The following PRSS23 variants were observed in gnomAD, a reference collection of about 807,000 sequenced individuals.
PRSS23 encodes the protein serine protease 23, also known as protease, serine 23.
In PRSS23, 25 loss-of-function variants were observed where a neutral mutation model predicts 34.7. The ratio of observed to expected loss-of-function variants is 0.72; its 90% confidence interval spans 0.53 to 1.01. The LOEUF (loss-of-function observed/expected upper bound fraction) is 1.01. Ranked by LOEUF, PRSS23 falls within the 50% of genes least tolerant of loss-of-function variation. The probability of loss-of-function intolerance (pLI) is 0.00; values close to 1 mark genes in which losing one functional copy is unlikely to be tolerated. For missense variants in PRSS23, 445 were observed against 475.6 expected, an observed-to-expected ratio of 0.94 and a Z score of 0.60; for synonymous variants, 176 against 186.6, an observed-to-expected ratio of 0.94 and a Z score of 0.46.
chr11:86,807,769 CCA>C lies in PRSS23; in HGVS notation c.127_128del (p.Gln43ValfsTer28), dbSNP rs1452305671. 6 of 1,614,128 alleles carry C rather than the reference CCA, an allele frequency of 3.7e-6. No homozygotes were observed. The highest frequency in any genetic ancestry group is 1.3e-5 in the African/African-American group (1 of 75,026). On this transcript the variant is annotated frameshift_variant, in exon 2 of 2. Coordinates refer to ENST00000280258, the MANE Select transcript of PRSS23 (RefSeq NM_007173.6). LOFTEE classifies it high-confidence loss of function. ...CATACCGCCTCCCTGTCGTCTTGCC[CCA>C]GTCTACCCTCAATTTAGCCAAGCCA... ...PAYRLPVVLP[Q>X]STLNLAKPDF...
At chr11:86,945,761 C>T (rs15135) in intron 2 of PRSS23, 1 of 152,594 alleles carries the variant, frequency 6.6e-6, no homozygotes, top group African/African-American at 2.4e-5. Flanking sequence ...TAGAAATTTA[C>T]AGTACAGACA....
upstream of PRSS23, chr11:86,800,423 T>A (rs1365300786): frequency 4.1e-6 from 4 of 980,066 alleles, no homozygotes; most frequent in African/African-American, 1.8e-5. Flanking sequence ...GCACGGTTTA[T>A]GTGCAGTGGG....
rs1390888574 is a variant in PRSS23 at position 86,810,911 on chromosome 11, AAAAG to A, written c.*2120_*2123del. 1.2e-5 allele frequency: 2 copies of A among 167,084 alleles called. No individual in the cohort carries two copies. The highest frequency in any genetic ancestry group is 4.8e-5 in the African/African-American group (2 of 41,464). The allele number at this position is 167,084 out of a possible 1,614,324, so 10.4% of individuals were successfully genotyped here. On this transcript the variant is annotated 3_prime_UTR_variant, in exon 2 of 2. Transcript: ENST00000280258. ...TTAAACTATCATAGAAGTAGACAGAAAAAGAAAAAAGGACTCATGGCATTATTAA... is the reference window on the plus strand; with the variant it reads ...TTAAACTATCATAGAAGTAGACAGAAAAAAAAGGACTCATGGCATTATTAA...
chr11:86,845,688 T>G (rs953943140), intron 2 of PRSS23, among the ~76,000 whole-genome samples: 14 of 152,134 alleles, frequency 9.2e-5, no homozygotes, highest in African/African-American at 3.1e-4. Context: ...ACACCAGAAT[T>G]TGTGCATTGT....
chr11:86,853,378 G>A (rs1338393644), intron 2 of PRSS23, among the ~76,000 whole-genome samples: 1 of 148,704 alleles, frequency 6.7e-6, no homozygotes, highest in Non-Finnish European at 1.5e-5. Flanking sequence ...CTCAGCCTCC[G>A]GAGTAGCTGT....
chr11:86,843,970 T>C (rs1263163373), intron 2 of PRSS23, among the ~76,000 whole-genome samples: 1 of 152,214 alleles, frequency 6.6e-6, no homozygotes, highest in East Asian at 1.9e-4. Context: ...CCCACGAATG[T>C]TTATTGTGGC....
intron 2 of PRSS23, among the ~76,000 whole-genome samples, chr11:86,850,759 G>C (rs1042221939): frequency 3.3e-5 from 5 of 152,124 alleles, no homozygotes; most frequent in African/African-American, 1.2e-4. Flanking sequence ...GTAACGTCCT[G>C]TAAGATCCTG....
At chr11:86,796,401 G>C (rs1052445215), upstream of PRSS23, among the ~76,000 whole-genome samples, 31 of 152,046 alleles carry the variant, frequency 2.0e-4, no homozygotes, top group Non-Finnish European at 1.8e-4. Flanking sequence ...CAGCACTTTG[G>C]GAGGCCGAGG....
At chr11:86,793,273 G>A (rs1317085749) in intron 1 of PRSS23, among the ~76,000 whole-genome samples, 3 of 152,018 alleles carry the variant, frequency 2.0e-5, no homozygotes, top group Admixed American at 6.5e-5. Context: ...TTTTTTACAG[G>A]CAATTTATTG....
chr11:86,846,066 T>G (rs1948483843), intron 2 of PRSS23, among the ~76,000 whole-genome samples: 1 of 152,216 alleles, frequency 6.6e-6, no homozygotes, highest in Non-Finnish European at 1.5e-5. Flanking sequence ...AAGGCAATTG[T>G]ATAATCTCAC....
rs138970232 is a variant in PRSS23 at position 86,893,876 on chromosome 11, A to G, written c.207-57340A>G. On this transcript the variant is annotated intron_variant, in intron 2 of 2. Coordinates refer to the PRSS23 transcript ENST00000533902. The stretch of plus-strand genomic sequence containing the variant: ...AAGGAGAATTTAAAGTACCCCACTT[A>G]TAGAGGTCAATCAGGAATACTGAAG... Among the ~76,000 whole-genome samples the G allele has an allele frequency of 2.1e-3, 313 of 152,308 alleles. 3 individuals carry two copies. Among genetic ancestry groups the G allele is most frequent in the African/African-American group, 6.6e-3 (275 of 41,550 alleles).
intron 2 of PRSS23, among the ~76,000 whole-genome samples, chr11:86,894,431 A>G (rs1948861641): frequency 6.6e-6 from 1 of 152,156 alleles, no homozygotes; most frequent in African/African-American, 2.4e-5. Flanking sequence ...TGGGTAAGCT[A>G]CTCAGGGCAC....
chr11:86,925,089 G>T (rs559166077), intron 2 of PRSS23: 1 of 152,306 alleles, frequency 6.6e-6, no homozygotes, highest in African/African-American at 2.4e-5. Flanking sequence ...GACATCACTT[G>T]ACAAGGAGCA....
chr11:86,947,236 AC>A, intron 2 of PRSS23: 1 of 170,990 alleles, frequency 5.8e-6, no homozygotes, highest in East Asian at 1.7e-4. Flanking sequence ...CAAACAAACA[AC>A]AAAAAAAAGG....
At chr11:86,793,434 G>T (rs1947963599) in intron 1 of PRSS23, among the ~76,000 whole-genome samples, 2 of 152,194 alleles carry the variant, frequency 1.3e-5, no homozygotes, top group Admixed American at 1.3e-4. Flanking sequence ...TCTGCAGAAA[G>T]CCAGTCAAAT....
At chr11:86,855,983 T>C (rs117136758) in intron 2 of PRSS23, among the ~76,000 whole-genome samples, 13,870 of 152,266 alleles carry the variant, frequency 0.091, 860 homozygotes, top group Non-Finnish European at 0.13. Context: ...AGTTTTTTAA[T>C]TGAAACAAAT....
chr11:86,876,191 A>G (rs1297611513), intron 2 of PRSS23, among the ~76,000 whole-genome samples: 1 of 116,020 alleles, frequency 8.6e-6, no homozygotes, highest in African/African-American at 4.2e-5. Flanking sequence ...TGAGATATAA[A>G]AAGAAATTTC....
intron 2 of PRSS23, chr11:86,832,935 T>A (rs1268584085): frequency 8.5e-6 from 3 of 352,596 alleles, no homozygotes; most frequent in Admixed American, 8.0e-5. Context: ...AAATTAGGAA[T>A]TTCCACATCC....
intron 2 of PRSS23, among the ~76,000 whole-genome samples, chr11:86,841,756 C>G (rs1411797011): frequency 6.6e-6 from 1 of 152,062 alleles, no homozygotes; most frequent in Non-Finnish European, 1.5e-5. Context: ...TCTGAATAGA[C>G]CAATAAGAAG....
Sources: allele counts gnomAD v4.1 joint callset (sites outside exome capture counted in the v4.1 genomes callset), GRCh38; gene constraint gnomAD v4.1.1; transcripts MANE v1.5; gene names NCBI Gene and HGNC (gene_info 2026-07-23, HGNC 2026-07-21).